Variants in FAM120A observed in about 807,000 individuals in gnomAD.
FAM120A encodes family with sequence similarity 120 member A.
In FAM120A, 15 loss-of-function variants were observed where a neutral mutation model predicts 109.7. The observed-to-expected ratio is 0.14, with a 90% CI of 0.09 to 0.21. The LOEUF is 0.21. Ranked by LOEUF, FAM120A falls within the 10% of genes least tolerant of loss-of-function variation. FAM120A has a pLI of 1.00. For missense variants in FAM120A, 899 were observed against 1,439.3 expected (o/e 0.62, Z 6.07); for synonymous variants, 493 against 572.8 (o/e 0.86, Z 1.99).
chr9:93,452,291 G>A lies in FAM120A; in HGVS notation c.376G>A (p.Val126Ile). The change falls in exon 1 of 18, where the codon GTC (valine) becomes ATC (isoleucine). Residue 126 changes from valine to isoleucine, a missense_variant. Physicochemically the swap from Val to Ile is conservative, Grantham distance 29 (BLOSUM62 3). Coordinates refer to ENST00000277165, the MANE Select transcript of FAM120A (RefSeq NM_014612.5). The surrounding 1 kb of genome is among the most constrained non-coding windows in gnomAD (Gnocchi z 7.0). ...RQTAQQIVSH[V>I]QNKGTPPPKV... ...GACGGCACAGCAGATCGTCAGCCAT[G>A]TCCAGAACAAGGGCACCCCGCCGCC... 6.2e-7 allele frequency: 1 copy of A among 1,612,914 alleles called. No homozygotes were observed. The highest frequency in any genetic ancestry group is 1.1e-5 in the South Asian group (1 of 91,072).
intron 1 of FAM120A, among the ~76,000 whole-genome samples, chr9:93,462,335 C>T (rs1857829450): frequency 6.6e-6 from 1 of 152,156 alleles, no homozygotes; most frequent in Admixed American, 6.5e-5. Flanking sequence ...GGCTGTAGCG[C>T]AGTAGCGTGA....
intron 11 of FAM120A, among the ~76,000 whole-genome samples, chr9:93,548,191 C>T (rs1044913237): frequency 2.0e-5 from 3 of 152,032 alleles, no homozygotes; most frequent in South Asian, 2.1e-4. Flanking sequence ...CTTCAAGCTC[C>T]GTCCTGGGTT....
intron 5 of FAM120A, among the ~76,000 whole-genome samples, chr9:93,501,321 T>C (rs1048845838): frequency 6.6e-6 from 1 of 152,252 alleles, no homozygotes; most frequent in Non-Finnish European, 1.5e-5. Context: ...GAAGATGTTT[T>C]GAATAGGCAA....
Position 93,526,100 on chromosome 9 carries a change from C to T in FAM120A, c.1419-1055C>T, listed in dbSNP as rs554899031. Among the ~76,000 whole-genome samples the T allele has an allele frequency of 7.1e-4, 108 of 152,220 alleles. 1 individual carries two copies. The highest frequency in any genetic ancestry group is 1.3e-3 in the Non-Finnish European group (88 of 68,050). On this transcript the variant is annotated intron_variant, in intron 7 of 17. Coordinates refer to ENST00000277165, the MANE Select transcript of FAM120A (RefSeq NM_014612.5). ...CCATGCTGGCATGTCCTATGGCCAG[C>T]ACTGGTTTTCAGAAGGTAGTTTGGG...
At chr9:93,466,025 C>T (rs1489719354) in intron 1 of FAM120A, among the ~76,000 whole-genome samples, 3 of 152,102 alleles carry the variant, frequency 2.0e-5, no homozygotes, top group Non-Finnish European at 2.9e-5. Flanking sequence ...CCACATGGCA[C>T]GTGGCATTGA....
chr9:93,516,197 A>T lies in FAM120A; in HGVS notation c.1346A>T (p.Asp449Val). 1 of 1,613,962 alleles carries T rather than the reference A, an allele frequency of 6.2e-7. No individual in the cohort carries two copies. Among genetic ancestry groups the T allele is most frequent in the Non-Finnish European group, 8.5e-7 (1 of 1,179,862 alleles). Residue 449 changes from aspartate to valine, a missense_variant, in exon 7 of 18, where the codon GAT becomes GTT. Coordinates refer to ENST00000277165, the MANE Select transcript of FAM120A (RefSeq NM_014612.5). Reference sequence around the variant, plus strand: ...CAGAGCGGCAGCCCCAACCACGTGGATTCCGCCTACTTCCCTGGCTCTTCT... The same window carrying T: ...CAGAGCGGCAGCCCCAACCACGTGGTTTCCGCCTACTTCCCTGGCTCTTCT... ...PAQSGSPNHVDSAYFPGSSTS... is the reference protein window; with the variant it reads ...PAQSGSPNHVVSAYFPGSSTS...
intron 7 of FAM120A, among the ~76,000 whole-genome samples, chr9:93,519,055 A>G (rs1360327629): frequency 1.3e-5 from 2 of 152,110 alleles, no homozygotes; most frequent in African/African-American, 2.4e-5. Flanking sequence ...GAGTGTGCTT[A>G]GCATGACCTT....
chr9:93,547,868 A>G (rs1196919762), intron 11 of FAM120A, among the ~76,000 whole-genome samples: 2 of 152,198 alleles, frequency 1.3e-5, no homozygotes, highest in Non-Finnish European at 2.9e-5. Flanking sequence ...GTATGTATGT[A>G]TGTACCTAGT....
intron 11 of FAM120A, among the ~76,000 whole-genome samples, chr9:93,549,526 A>G (rs759332028): frequency 1.4e-4 from 22 of 152,284 alleles, no homozygotes; most frequent in Non-Finnish European, 2.6e-4. Context: ...GTACCCATGG[A>G]TGAATATTAA....
chr9:93,512,547 T>TA (rs397704052), intron 5 of FAM120A, among the ~76,000 whole-genome samples: 51 of 152,224 alleles, frequency 3.4e-4, no homozygotes, highest in Admixed American at 2.4e-3. Flanking sequence ...TTTTTTTTTT[T>TA]ACCGAAAGCC....
rs1862575214 is a variant in FAM120A, at chr9:93,564,447, C to T, written c.3264C>T (p.Cys1088=). Residue 1088 remains cysteine (C), a synonymous_variant, in exon 18 of 18, where the codon TGC becomes TGT. Coordinates refer to ENST00000277165, the MANE Select transcript of FAM120A (RefSeq NM_014612.5). ...CCTTGAATAATGACTCTAAAACGTG[C>T]AATACAAATCCTCATTTAAATGCAC... The part of the protein sequence containing the change: ...ESALNNDSKT[C]NTNPHLNALS... The T allele has an allele frequency of 6.2e-7, 1 of 1,614,070 alleles. No individual in the cohort carries two copies. The highest frequency in any genetic ancestry group is 8.5e-7 in the Non-Finnish European group (1 of 1,180,054).
intron 5 of FAM120A, among the ~76,000 whole-genome samples, chr9:93,513,632 A>G (rs896975802): frequency 3.3e-5 from 5 of 152,168 alleles, no homozygotes; most frequent in African/African-American, 9.7e-5. Flanking sequence ...TCGAAGGGCT[A>G]TGGTGTTTAA....
chr9:93,514,013 A>G (rs1860457149), intron 5 of FAM120A, among the ~76,000 whole-genome samples: 1 of 152,232 alleles, frequency 6.6e-6, no homozygotes. Flanking sequence ...ACTGCTATAA[A>G]GAACTGCCTG....
At chr9:93,529,274 A>G in intron 8 of FAM120A, 79 bp from the exon 9 acceptor site, 1 of 1,290,528 alleles carries the variant, frequency 7.7e-7, no homozygotes, top group Non-Finnish European at 1.1e-6. Flanking sequence ...CTGTCAGGTG[A>G]ACAGGCACCT....
chr9:93,494,064 C>A (rs1003319997), intron 3 of FAM120A, among the ~76,000 whole-genome samples: 2 of 152,184 alleles, frequency 1.3e-5, no homozygotes, highest in Non-Finnish European at 2.9e-5. Flanking sequence ...AGGCAGTAGG[C>A]GTCCTCCTGT....
intron 13 of FAM120A, among the ~76,000 whole-genome samples, chr9:93,557,441 T>G (rs1862323944): frequency 6.6e-6 from 1 of 152,164 alleles, no homozygotes; most frequent in Admixed American, 6.5e-5. Context: ...GGGACCATTT[T>G]AAACAGTGAA....
Position 93,564,602 on chromosome 9 carries a change from GAA to G in FAM120A, c.*64_*65del. ...GTAAGGATTTAGGAATATCTGGAGA[GAA>G]AGAGAGCCTGCAGTTATGTACATTT... is the stretch of plus-strand genomic sequence containing the variant. On this transcript the variant is annotated 3_prime_UTR_variant, in exon 18 of 18. Coordinates refer to ENST00000277165, the MANE Select transcript of FAM120A (RefSeq NM_014612.5). The G allele has an allele frequency of 7.2e-7, 1 of 1,381,128 alleles. No homozygotes were observed. Among genetic ancestry groups the G allele is most frequent in the Non-Finnish European group, 9.9e-7 (1 of 1,008,590 alleles). 85.6% of individuals were successfully genotyped at this position (1,381,128 alleles called of 1,614,324 possible).
chr9:93,501,028 T>C (rs1399578720), intron 5 of FAM120A, among the ~76,000 whole-genome samples: 4 of 152,204 alleles, frequency 2.6e-5, no homozygotes, highest in Non-Finnish European at 5.9e-5. Flanking sequence ...GTAGATACTG[T>C]CATTATTCTT....
intron 1 of FAM120A, among the ~76,000 whole-genome samples, chr9:93,466,043 T>C (rs1368459871): frequency 6.6e-6 from 1 of 152,150 alleles, no homozygotes; most frequent in Admixed American, 6.5e-5. Context: ...TGACTCGGCT[T>C]AGCACTGGAT....
Sources: gnomAD v4.1 joint callset for allele counts (sites outside exome capture counted in the v4.1 genomes callset) on GRCh38, gnomAD v4.1.1 for gene constraint, Gnocchi (gnomAD v3.1) non-coding constraint, MANE v1.5 for transcripts, NCBI Gene and HGNC (gene_info 2026-07-23, HGNC 2026-07-21) for gene names.